The following IL34 variants were observed in gnomAD, a reference collection of about 807,000 sequenced individuals.
IL34 encodes interleukin-34.
IL34 carries 17 observed loss-of-function variants against 25.3 expected under a neutral mutation model. The ratio of observed to expected loss-of-function variants is 0.67; its 90% CI spans 0.46 to 1.01. IL34 has a LOEUF of 1.01. Among genes scored for constraint, IL34 ranks in the 50% least tolerant of loss-of-function variants. The pLI is 0.00. For synonymous variants in IL34, 174 were observed against 140.9 expected, an observed-to-expected ratio of 1.23 and a Z score of -1.66; for missense variants, 368 against 312.9, an observed-to-expected ratio of 1.18 and a Z score of -1.33.
chr16:70,642,021 G>T (rs1386787408), upstream of IL34, among the ~76,000 whole-genome samples: 1 of 152,182 alleles, frequency 6.6e-6, no homozygotes, highest in Non-Finnish European at 1.5e-5. Flanking sequence ...ACGGATACAT[G>T]CTGTGTCTTA....
At chr16:70,600,836 CAG>C (rs2050903778) in intron 1 of IL34, among the ~76,000 whole-genome samples, 1 of 141,974 alleles carries the variant, frequency 7.0e-6, no homozygotes, top group Non-Finnish European at 1.5e-5. Context: ...CTAGGAGAAG[CAG>C]GGGATGCGGG....
chr16:70,627,895 A>T (rs536683536), intron 1 of IL34, among the ~76,000 whole-genome samples: 1 of 152,314 alleles, frequency 6.6e-6, no homozygotes, highest in East Asian at 1.9e-4. Flanking sequence ...ACATGCCATG[A>T]ATATTGTAAC....
chr16:70,596,331 T>C (rs1054900709), intron 1 of IL34, among the ~76,000 whole-genome samples: 4 of 152,196 alleles, frequency 2.6e-5, no homozygotes, highest in African/African-American at 9.7e-5. Context: ...ATTCAGACCA[T>C]AGCAGCATTT....
At chr16:70,625,481 C>T (rs948162329) in intron 1 of IL34, among the ~76,000 whole-genome samples, 1 of 152,034 alleles carries the variant, frequency 6.6e-6, no homozygotes, top group Admixed American at 6.5e-5. Context: ...CTTGCCCCTT[C>T]CCCAGAAAAG....
intron 1 of IL34, among the ~76,000 whole-genome samples, chr16:70,609,048 TTTTA>T (rs1466070422): frequency 6.6e-5 from 10 of 152,108 alleles, no homozygotes; most frequent in East Asian, 1.9e-4. Flanking sequence ...TATTTTTTAT[TTTTA>T]TTTATTTTTT....
intron 1 of IL34, among the ~76,000 whole-genome samples, chr16:70,623,576 A>G (rs1367765980): frequency 1.3e-5 from 2 of 152,012 alleles, no homozygotes; most frequent in Non-Finnish European, 2.9e-5. Flanking sequence ...GGTTTTAATG[A>G]GATGGTAAGG....
chr16:70,607,510 G>A (rs1180003726), intron 1 of IL34, among the ~76,000 whole-genome samples: 1 of 152,120 alleles, frequency 6.6e-6, no homozygotes. Flanking sequence ...TGCACTGGCT[G>A]GAATCTCCAG....
At chr16:70,580,617 C>T (rs759752828) in intron 1 of IL34, among the ~76,000 whole-genome samples, 1 of 151,956 alleles carries the variant, frequency 6.6e-6, no homozygotes, top group Non-Finnish European at 1.5e-5. Flanking sequence ...CCTGTCTCTA[C>T]TAAAAATACA....
In IL34 at chr16:70,654,557, C is replaced by T. The variant is rs1597781112; in HGVS notation, c.48C>T (p.Gly16=). Residue 16 remains glycine (G), a synonymous_variant, in exon 2 of 6, where the codon GGC becomes GGT. Coordinates refer to ENST00000288098, the MANE Select transcript of IL34 (RefSeq NM_001393494.1). ...CCACAGATCTTGGGATCTTCCTTGGCGTGGCCTTGGGGAATGAGCCTTTGG... is the reference window on the plus strand; with the variant it reads ...CCACAGATCTTGGGATCTTCCTTGGTGTGGCCTTGGGGAATGAGCCTTTGG... The part of the protein sequence containing the change: ...TWLRYLGIFL[G]VALGNEPLEM... The T allele has an allele frequency of 2.5e-6, 4 of 1,612,334 alleles. No homozygotes were observed. Among genetic ancestry groups the T allele is most frequent in the Non-Finnish European group, 1.7e-6 (2 of 1,178,828 alleles).
At chr16:70,649,309 A>C (rs900031402) in intron 1 of IL34, among the ~76,000 whole-genome samples, 1 of 152,194 alleles carries the variant, frequency 6.6e-6, no homozygotes, top group Non-Finnish European at 1.5e-5. Context: ...CTTTAATTGC[A>C]TGCAGATTAA....
At chr16:70,635,613 G>T (rs1455772080) in intron 1 of IL34, among the ~76,000 whole-genome samples, 3 of 152,136 alleles carry the variant, frequency 2.0e-5, no homozygotes, top group Non-Finnish European at 4.4e-5. Context: ...GTGTTCAAGG[G>T]TCCCATTGAC....
chr16:70,629,157 C>T (rs983214897), intron 1 of IL34, among the ~76,000 whole-genome samples: 8 of 152,100 alleles, frequency 5.3e-5, no homozygotes, highest in Non-Finnish European at 1.2e-4. Flanking sequence ...GTGGAAATAA[C>T]TTCACCTCCT....
intron 1 of IL34, among the ~76,000 whole-genome samples, chr16:70,600,837 A>G (rs2050903748): frequency 6.6e-6 from 1 of 151,030 alleles, no homozygotes; most frequent in African/African-American, 2.4e-5. Context: ...TAGGAGAAGC[A>G]GGGGATGCGG....
chr16:70,591,029 G>C (rs942498006), intron 1 of IL34, among the ~76,000 whole-genome samples: 2 of 152,222 alleles, frequency 1.3e-5, no homozygotes, highest in Non-Finnish European at 2.9e-5. Context: ...GGGTCTCCGG[G>C]GTCTCAGGAC....
chr16:70,592,353 C>A (rs891242979), intron 1 of IL34, among the ~76,000 whole-genome samples: 1 of 152,148 alleles, frequency 6.6e-6, no homozygotes, highest in Non-Finnish European at 1.5e-5. Context: ...TGACCGCCTC[C>A]TGAGGTGTAA....
upstream of IL34, among the ~76,000 whole-genome samples, chr16:70,645,123 G>A (rs112031514): frequency 2.3e-5 from 3 of 129,056 alleles, no homozygotes; most frequent in East Asian, 2.3e-4. Flanking sequence ...GAAGAAGAGG[G>A]AGGAAGGAGG....
chr16:70,630,128 A>G (rs2051485798), intron 1 of IL34, among the ~76,000 whole-genome samples: 1 of 152,198 alleles, frequency 6.6e-6, no homozygotes, highest in Non-Finnish European at 1.5e-5. Context: ...TGCCTGGCTT[A>G]TTTCACTTAA....
At chr16:70,653,800 A>G (rs948056602) in intron 1 of IL34, among the ~76,000 whole-genome samples, 1 of 152,150 alleles carries the variant, frequency 6.6e-6, no homozygotes, top group Admixed American at 6.6e-5. Context: ...TTCTGCTCTG[A>G]TGGACTTAAC....
intron 1 of IL34, among the ~76,000 whole-genome samples, chr16:70,593,181 G>A (rs1372786834): frequency 6.6e-6 from 1 of 151,978 alleles, no homozygotes. Context: ...AGTTTTAAGA[G>A]TTCTTTGTAT....
Sources: gnomAD v4.1 joint callset for allele counts (sites outside exome capture counted in the v4.1 genomes callset) on GRCh38, gnomAD v4.1.1 for gene constraint, MANE v1.5 for transcripts, NCBI Gene and HGNC (gene_info 2026-07-23, HGNC 2026-07-21) for gene names.